The following SHROOM3 variants were observed in gnomAD, a reference collection of about 807,000 sequenced individuals.
SHROOM3 encodes shroom family member 3.
In SHROOM3, 47 loss-of-function variants were observed where a neutral mutation model predicts 138.6. The ratio of observed to expected loss-of-function variants is 0.34; its 90% CI spans 0.27 to 0.43. SHROOM3 has a LOEUF of 0.43. Ranked by LOEUF, SHROOM3 falls within the 20% of genes least tolerant of loss-of-function variation. SHROOM3 has a pLI of 1.00. For missense variants in SHROOM3, 2,491 were observed against 2,596.5 expected (o/e 0.96, Z 0.88); for synonymous variants, 1,062 against 1,063.3 (o/e 1.00, Z 0.02).
chr4:76,691,956 T>C (rs1481875909), intron 2 of SHROOM3, among the ~76,000 whole-genome samples: 1 of 152,162 alleles, frequency 6.6e-6, no homozygotes, highest in Admixed American at 6.5e-5. Context: ...ATTTCATGGG[T>C]TGCCGCTTCT....
intron 2 of SHROOM3, among the ~76,000 whole-genome samples, chr4:76,634,588 G>T (rs1202163702): frequency 6.6e-6 from 1 of 152,156 alleles, no homozygotes. Context: ...ACTAGCTAGA[G>T]GAGTTAGAAG....
chr4:76,567,067 A>G (rs1164102984), intron 2 of SHROOM3, among the ~76,000 whole-genome samples: 1 of 151,738 alleles, frequency 6.6e-6, no homozygotes, highest in African/African-American at 2.4e-5. Flanking sequence ...CAATTTTTCT[A>G]CTCCCCTCTT....
chr4:76,480,424 AC>A (rs1273891608), intron 1 of SHROOM3, among the ~76,000 whole-genome samples: 1 of 152,240 alleles, frequency 6.6e-6, no homozygotes, highest in Admixed American at 6.5e-5. Flanking sequence ...GATCAATGCA[AC>A]AAGAAGAGCT....
In SHROOM3 at chr4:76,739,170, A is replaced by G. The variant is rs780849253; in HGVS notation, c.997A>G (p.Arg333Gly). 11 of 1,614,018 alleles carry G rather than the reference A, an allele frequency of 6.8e-6. No homozygotes were observed. The African/African-American group carries it at 1.5e-4, about 22-fold the overall frequency. The change falls in exon 5 of 11, where the codon AGG becomes GGG. Residue 333 changes from arginine to glycine, a missense_variant. By Grantham distance (125) the Arg-to-Gly change is moderately radical. Around this residue, in one of 4 missense-constraint regions of SHROOM3, gnomAD observed 1,733 missense variants for 1,661.6 expected, o/e 1.04. Transcript: ENST00000296043. ...VNSSALLLQG[R>G]EARASANGQG... is the part of the protein sequence containing the mutation. Reference sequence around the variant, plus strand: ...CTCTTCAGCCCTGCTGCTTCAAGGTAGGGAGGCCCGAGCCTCAGCAAATGG... The same window carrying G: ...CTCTTCAGCCCTGCTGCTTCAAGGTGGGGAGGCCCGAGCCTCAGCAAATGG...
intron 1 of SHROOM3, among the ~76,000 whole-genome samples, chr4:76,492,032 C>G (rs546255742): frequency 6.6e-6 from 1 of 152,296 alleles, no homozygotes; most frequent in African/African-American, 2.4e-5. Context: ...GGCCGAACAG[C>G]CTGGCCCAGA....
At chr4:76,713,902 T>TC (rs35888104) in intron 3 of SHROOM3, among the ~76,000 whole-genome samples, 4 of 152,270 alleles carry the variant, frequency 2.6e-5, no homozygotes, top group Middle Eastern at 6.8e-3. Context: ...AATTTTCCTG[T>TC]CCCCCAAGAA....
At chr4:76,718,461 G>A (rs1720443899) in intron 3 of SHROOM3, among the ~76,000 whole-genome samples, 1 of 152,142 alleles carries the variant, frequency 6.6e-6, no homozygotes, top group South Asian at 2.1e-4. Context: ...GTAACATTTG[G>A]AAACTTTATT....
rs1412470679 is a variant in SHROOM3 at position 76,436,084 on chromosome 4, C to G, written c.32C>G (p.Pro11Arg). MMRTTEDFHK[P>R]SATLNSNTAT... ...AGGACCACTGAAGACTTCCACAAGC[C>G]TAGTGCCACATTAAACTCTAACACG... Residue 11 changes from proline to arginine, a missense_variant, in exon 1 of 11, where the codon CCT becomes CGT. Physicochemically the swap from Pro to Arg is moderately radical, Grantham distance 103 (BLOSUM62 -2). Around this residue, in one of 4 missense-constraint regions of SHROOM3, gnomAD observed 284 missense variants for 322.8 expected, o/e 0.88. Transcript: ENST00000296043. 6.2e-7 allele frequency: 1 copy of G among 1,613,988 alleles called. No homozygotes were observed. Among genetic ancestry groups the G allele is most frequent in the South Asian group, 1.1e-5 (1 of 91,062 alleles).
Position 76,741,963 on chromosome 4 carries a change from C to T in SHROOM3, c.3753+37C>T, listed in dbSNP as rs750237442. ...CAGCAAGTCCTGGCCTCGAACTGTC[C>T]CTTCCTCCCTAGAAGCTTTAGTGGG... On this transcript the variant is annotated intron_variant, in intron 5 of 10. Coordinates refer to ENST00000296043, the MANE Select transcript of SHROOM3 (RefSeq NM_020859.4). The surrounding 1 kb of genome is among the most constrained non-coding windows in gnomAD (Gnocchi z 6.2). The T allele has an allele frequency of 3.1e-6, 5 of 1,603,284 alleles. No homozygotes were observed. Among genetic ancestry groups the T allele is most frequent in the Middle Eastern group, 1.7e-4 (1 of 6,052 alleles).
chr4:76,628,453 A>G (rs1577930986), intron 2 of SHROOM3, among the ~76,000 whole-genome samples: 1 of 152,306 alleles, frequency 6.6e-6, no homozygotes, highest in East Asian at 1.9e-4. Flanking sequence ...AATGTGAACA[A>G]TGCTTAGTGA....
intron 1 of SHROOM3, among the ~76,000 whole-genome samples, chr4:76,464,172 C>A (rs1385967499): frequency 2.6e-5 from 4 of 152,220 alleles, no homozygotes; most frequent in Non-Finnish European, 5.9e-5. Context: ...ACCTGCAGAG[C>A]CACAGGGGTG....
chr4:76,531,173 AC>A (rs1732821671), intron 1 of SHROOM3, among the ~76,000 whole-genome samples: 1 of 152,212 alleles, frequency 6.6e-6, no homozygotes, highest in African/African-American at 2.4e-5. Context: ...AAAGCACTGA[AC>A]ATTGAAAATA....
intron 1 of SHROOM3, among the ~76,000 whole-genome samples, chr4:76,554,401 T>A (rs577886831): frequency 6.7e-6 from 1 of 149,312 alleles, no homozygotes; most frequent in East Asian, 2.0e-4. Context: ...CAACTTTTTT[T>A]TGTTGTTTTT....
intron 2 of SHROOM3, among the ~76,000 whole-genome samples, chr4:76,637,006 T>A (rs1735516791): frequency 6.6e-6 from 1 of 152,232 alleles, no homozygotes; most frequent in African/African-American, 2.4e-5. Flanking sequence ...TCATAGGAAT[T>A]TAACTCTTGT....
intron 2 of SHROOM3, among the ~76,000 whole-genome samples, chr4:76,592,314 CT>C (rs1734291702): frequency 1.3e-5 from 2 of 152,206 alleles, no homozygotes; most frequent in Non-Finnish European, 2.9e-5. Context: ...CCTAGGAGAA[CT>C]TGCTTCACAG....
intron 1 of SHROOM3, among the ~76,000 whole-genome samples, chr4:76,480,510 G>A (rs1293269687): frequency 6.6e-6 from 1 of 150,594 alleles, no homozygotes; most frequent in African/African-American, 2.4e-5. Flanking sequence ...GACCTACGAA[G>A]AGACTTAGAC....
chr4:76,483,766 G>A (rs1388050731), intron 1 of SHROOM3, among the ~76,000 whole-genome samples: 1 of 152,042 alleles, frequency 6.6e-6, no homozygotes. Flanking sequence ...ATGACAGACT[G>A]GATAAAAAAA....
At chr4:76,608,723 CAGCACAGCATAGCAT>C (rs1479555219) in intron 2 of SHROOM3, among the ~76,000 whole-genome samples, 4 of 62,148 alleles carry the variant, frequency 6.4e-5, no homozygotes, top group Admixed American at 1.5e-4. Context: ...CAGCACAGCA[CAGCACAGCATAGCAT>C]AGCATAGCAC....
intron 1 of SHROOM3, among the ~76,000 whole-genome samples, chr4:76,553,299 G>T (rs182499142): frequency 6.6e-6 from 1 of 151,336 alleles, no homozygotes; most frequent in Non-Finnish European, 1.5e-5. Context: ...TTTTTGAGAC[G>T]GGGTCTCGCT....
Sources: allele counts gnomAD v4.1 joint callset (sites outside exome capture counted in the v4.1 genomes callset), GRCh38; gene constraint gnomAD v4.1.1; regional missense constraint gnomAD v4.1.1; non-coding constraint Gnocchi (gnomAD v3.1); transcripts MANE v1.5; gene names NCBI Gene and HGNC (gene_info 2026-07-23, HGNC 2026-07-21).